Variants in GRK5 observed in about 807,000 individuals in gnomAD.
The protein encoded by GRK5 is G protein-coupled receptor kinase 5.
Under a neutral mutation model 78.4 loss-of-function variants are expected in GRK5, and 40 were observed. The observed-to-expected ratio is 0.51, with a 90% CI of 0.40 to 0.66. GRK5 has a LOEUF of 0.66. Ranked by LOEUF, GRK5 falls within the 30% of genes least tolerant of loss-of-function variation. GRK5 has a pLI of 0.00. For synonymous variants in GRK5, 289 were observed against 296.8 expected (o/e 0.97, Z 0.27); for missense variants, 598 against 759.9 (o/e 0.79, Z 2.50).
At chr10:119,214,975 G>A (rs958062341) in intron 1 of GRK5, among the ~76,000 whole-genome samples, 3 of 152,248 alleles carry the variant, frequency 2.0e-5, no homozygotes, top group African/African-American at 7.2e-5. Flanking sequence ...AGAGGCCTGG[G>A]CGGGTAGACG....
At chr10:119,291,868 T>A (rs1326595906) in intron 1 of GRK5, among the ~76,000 whole-genome samples, 1 of 150,050 alleles carries the variant, frequency 6.7e-6, no homozygotes, top group African/African-American at 2.5e-5. Context: ...CTCCTTTTCC[T>A]CCTCATCCTC....
chr10:119,368,328 T>A (rs1198534921), intron 2 of GRK5, among the ~76,000 whole-genome samples: 1 of 152,114 alleles, frequency 6.6e-6, no homozygotes, highest in East Asian at 1.9e-4. Context: ...TTTAAACTCA[T>A]GCTTGTGTTG....
chr10:119,414,898 A>G (rs1852414756), intron 4 of GRK5, among the ~76,000 whole-genome samples: 1 of 151,934 alleles, frequency 6.6e-6, no homozygotes, highest in African/African-American at 2.4e-5. Flanking sequence ...CCTGGCCAAC[A>G]TGGTGAAACA....
At chr10:119,230,707 G>T (rs1019863433) in intron 1 of GRK5, among the ~76,000 whole-genome samples, 2 of 151,894 alleles carry the variant, frequency 1.3e-5, no homozygotes, top group African/African-American at 2.4e-5. Context: ...GTGTGGTGGT[G>T]TGCACCTGTA....
chr10:119,447,449 C>T (rs912335646), intron 12 of GRK5, among the ~76,000 whole-genome samples: 1 of 152,172 alleles, frequency 6.6e-6, no homozygotes, highest in South Asian at 2.1e-4. Flanking sequence ...TCACCCTGCA[C>T]GTCCTGCCAC....
chr10:119,381,911 C>G (rs1851716434), intron 3 of GRK5, among the ~76,000 whole-genome samples: 1 of 152,218 alleles, frequency 6.6e-6, no homozygotes, highest in African/African-American at 2.4e-5. Flanking sequence ...ATGTGCATCT[C>G]TAGACCCACA....
intron 1 of GRK5, among the ~76,000 whole-genome samples, chr10:119,287,137 GA>G (rs1222165104): frequency 1.4e-5 from 2 of 146,720 alleles, no homozygotes; most frequent in African/African-American, 2.5e-5. Context: ...GGCAGGGAGG[GA>G]AGGAAGCAAG....
intron 1 of GRK5, among the ~76,000 whole-genome samples, chr10:119,308,202 G>A (rs1209152848): frequency 1.3e-5 from 2 of 152,130 alleles, no homozygotes; most frequent in Non-Finnish European, 2.9e-5. Flanking sequence ...GGGCACTAGA[G>A]CTGTGCCCAC....
chr10:119,371,640 C>T (rs968886049), intron 2 of GRK5, among the ~76,000 whole-genome samples: 3 of 152,188 alleles, frequency 2.0e-5, no homozygotes, highest in African/African-American at 7.2e-5. Flanking sequence ...CTGCCCTGCC[C>T]TCCCGGAGCT....
At chr10:119,283,381 C>T in intron 1 of GRK5, among the ~76,000 whole-genome samples, 1 of 152,184 alleles carries the variant, frequency 6.6e-6, no homozygotes, top group Middle Eastern at 3.2e-3. Flanking sequence ...TGAATCCACA[C>T]CCCATTCCCA....
chr10:119,331,536 A>G (rs1392099815), intron 2 of GRK5, among the ~76,000 whole-genome samples: 1 of 152,362 alleles, frequency 6.6e-6, no homozygotes, highest in Middle Eastern at 3.4e-3. Context: ...TTGTGGACAC[A>G]TGAGCTCACT....
At chr10:119,293,884 T>C (rs1850029588) in intron 1 of GRK5, among the ~76,000 whole-genome samples, 1 of 152,124 alleles carries the variant, frequency 6.6e-6, no homozygotes, top group Non-Finnish European at 1.5e-5. Flanking sequence ...TGAGTATGAA[T>C]CTATTACGAT....
chr10:119,322,922 G>A (rs977268124), intron 1 of GRK5, among the ~76,000 whole-genome samples: 2 of 152,200 alleles, frequency 1.3e-5, no homozygotes, highest in Admixed American at 6.5e-5. Flanking sequence ...ATCCACAAAT[G>A]AATGATAAAC....
chr10:119,234,724 G>GC (rs1371183516), intron 1 of GRK5, among the ~76,000 whole-genome samples: 1 of 148,126 alleles, frequency 6.8e-6, no homozygotes, highest in African/African-American at 2.5e-5. Context: ...ACAGAGTCTT[G>GC]CTCTGTCACC....
intron 13 of GRK5, among the ~76,000 whole-genome samples, chr10:119,449,170 G>A (rs761017144): frequency 2.1e-5 from 3 of 141,494 alleles, no homozygotes; most frequent in African/African-American, 5.2e-5. Flanking sequence ...ATGGCTTTGC[G>A]TCGGTAGCTT....
chr10:119,342,566 C>T (rs1315120506), intron 2 of GRK5, among the ~76,000 whole-genome samples: 1 of 152,160 alleles, frequency 6.6e-6, no homozygotes, highest in East Asian at 1.9e-4. Context: ...ATCCTCACAG[C>T]CGTTCATCAT....
At position 119,431,844 on chromosome 10, in the gene GRK5, A is replaced by G. The variant is rs573026039; in HGVS notation, c.738+317A>G. Among the ~76,000 whole-genome samples, 233 of 152,360 alleles carry G rather than the reference A, an allele frequency of 1.5e-3. No homozygotes were observed. The highest frequency in any genetic ancestry group is 5.4e-3 in the African/African-American group (224 of 41,592). On this transcript the variant is annotated intron_variant, in intron 8 of 15. Transcript: ENST00000392870. The surrounding 1 kb of genome is among the most constrained non-coding windows in gnomAD (Gnocchi z 4.8). ...GGACAAAGAAAGTTCACCTGGGCCC[A>G]GGCTGGGAGCTGTGGGTTCCACAGA... is the stretch of plus-strand genomic sequence containing the variant.
At chr10:119,396,673 C>T (rs1852059431) in intron 3 of GRK5, 22 bp from the exon 4 acceptor site, 1 of 1,587,856 alleles carries the variant, frequency 6.3e-7, no homozygotes, top group Non-Finnish European at 8.6e-7. Context: ...TGTTATTGTT[C>T]TTTTTTCTCC....
At chr10:119,384,084 CT>C (rs1851755515) in intron 3 of GRK5, among the ~76,000 whole-genome samples, 1 of 152,176 alleles carries the variant, frequency 6.6e-6, no homozygotes, top group African/African-American at 2.4e-5. Context: ...TTCTTCAGCT[CT>C]GTGTTCTGGC....
Sources: gnomAD v4.1 joint callset for allele counts (sites outside exome capture counted in the v4.1 genomes callset) on GRCh38, gnomAD v4.1.1 for gene constraint, Gnocchi (gnomAD v3.1) non-coding constraint, MANE v1.5 for transcripts, NCBI Gene and HGNC (gene_info 2026-07-23, HGNC 2026-07-21) for gene names.